Variants in SPATA16 observed in about 807,000 individuals in gnomAD.
SPATA16 encodes the protein spermatogenesis associated 16.
A neutral mutation model predicts 63.3 loss-of-function variants in SPATA16; 36 were observed. That is an observed-to-expected ratio of 0.57 (90% CI 0.44 to 0.75). SPATA16 has a LOEUF of 0.75. Ranked by LOEUF, SPATA16 falls within the 30% of genes least tolerant of loss-of-function variation. The pLI, the probability that SPATA16 is intolerant of heterozygous loss-of-function variation, is 0.00. For synonymous variants in SPATA16, 203 were observed against 216.7 expected (o/e 0.94, Z 0.56); for missense variants, 646 against 679.3 (o/e 0.95, Z 0.54).
chr3:173,091,722 A>G (rs1737226578), intron 2 of SPATA16, among the ~76,000 whole-genome samples: 1 of 152,192 alleles, frequency 6.6e-6, no homozygotes, highest in African/African-American at 2.4e-5. Context: ...TGGTATTTGA[A>G]GAGAGGAAAT....
intron 2 of SPATA16, among the ~76,000 whole-genome samples, chr3:173,099,405 A>G (rs1737436480): frequency 6.6e-6 from 1 of 152,188 alleles, no homozygotes; most frequent in African/African-American, 2.4e-5. Flanking sequence ...TATCCTAGGT[A>G]TGTATGTATA....
chr3:173,088,059 TTTC>T (rs1256192969), intron 2 of SPATA16, among the ~76,000 whole-genome samples: 19 of 142,794 alleles, frequency 1.3e-4, no homozygotes, highest in East Asian at 8.6e-4. Flanking sequence ...TCTTTCTTTC[TTTC>T]TTTCTTTCTT....
chr3:172,917,975 C>G (rs999628170), intron 8 of SPATA16, among the ~76,000 whole-genome samples: 1 of 152,190 alleles, frequency 6.6e-6, no homozygotes, highest in African/African-American at 2.4e-5. Flanking sequence ...TCCCTAACAC[C>G]TACATATGCT....
chr3:173,130,100 A>T (rs12696338), intron 1 of SPATA16, among the ~76,000 whole-genome samples: 1 of 151,984 alleles, frequency 6.6e-6, no homozygotes, highest in Non-Finnish European at 1.5e-5. Context: ...CGGTGGCTCA[A>T]GCCTGTAATC....
At chr3:173,063,287 C>T (rs1435745329) in intron 2 of SPATA16, among the ~76,000 whole-genome samples, 4 of 152,166 alleles carry the variant, frequency 2.6e-5, no homozygotes, top group African/African-American at 9.7e-5. Context: ...TTATGTCTTG[C>T]AATCACCTAT....
Position 172,945,295 on chromosome 3 carries a change from A to G in SPATA16, c.1081+11382T>C, listed in dbSNP as rs185826424. 1.1e-3 allele frequency among the ~76,000 whole-genome samples: 168 copies of G among 152,212 alleles called. 1 individual carries two copies. Among genetic ancestry groups the G allele is most frequent in the African/African-American group, 3.7e-3 (154 of 41,460 alleles). On this transcript the variant is annotated intron_variant, in intron 6 of 10. Coordinates refer to ENST00000351008, the MANE Select transcript of SPATA16 (RefSeq NM_031955.6). ...TATTCCTTGAAGAAATCTAAAAAGT[A>G]GATTTTTCTAAGAACATCAAAGAGC...
chr3:173,117,242 G>A lies in SPATA16; in HGVS notation c.490C>T (p.His164Tyr), dbSNP rs780372927. ...ATCTGAGGCAGAAAGCTGAAATTAT[G>A]TACACTCAAAGGGTCTACTATTTCA... ...AAEIVDPLSV[H>Y]NFSFLPQIDK... The change falls in exon 2 of 11, where the codon CAT becomes TAT. Residue 164 changes from histidine (H) to tyrosine (Y), a missense_variant. By Grantham distance (83) the His-to-Tyr change is moderately conservative. Transcript: ENST00000351008. 5 of 1,614,130 alleles carry A rather than the reference G, an allele frequency of 3.1e-6. No homozygotes were observed. The highest frequency in any genetic ancestry group is 1.6e-4 in the Middle Eastern group (1 of 6,062).
chr3:172,908,916 C>G (rs1320978026), intron 10 of SPATA16, among the ~76,000 whole-genome samples: 1 of 151,828 alleles, frequency 6.6e-6, no homozygotes, highest in African/African-American at 2.4e-5. Flanking sequence ...TACTTGCTAC[C>G]GGAATTGTCT....
At chr3:173,101,580 G>C (rs1279578977) in intron 2 of SPATA16, among the ~76,000 whole-genome samples, 1 of 152,024 alleles carries the variant, frequency 6.6e-6, no homozygotes, top group African/African-American at 2.4e-5. Flanking sequence ...ACTAAGACTT[G>C]ACACCTGGAT....
intron 3 of SPATA16, among the ~76,000 whole-genome samples, chr3:173,038,745 A>T (rs1735773946): frequency 6.6e-6 from 1 of 152,168 alleles, no homozygotes; most frequent in Non-Finnish European, 1.5e-5. Context: ...TGTGAATTCT[A>T]GACTCGTAAA....
chr3:172,915,854 T>G (rs1288585048), intron 9 of SPATA16, among the ~76,000 whole-genome samples: 1 of 152,182 alleles, frequency 6.6e-6, no homozygotes, highest in Non-Finnish European at 1.5e-5. Flanking sequence ...GTACTAGTGT[T>G]GGCACTGCCA....
At chr3:173,028,013 C>CCCTCCCTCCCTCCCTCCCTTCTTTCCTT (rs1560100953) in intron 3 of SPATA16, among the ~76,000 whole-genome samples, 4 of 35,068 alleles carry the variant, frequency 1.1e-4, no homozygotes, top group Admixed American at 7.4e-4. Flanking sequence ...CTCCCTCCCT[C>CCCTCCCTCCCTCCCTCCCTTCTTTCCTT]CCTTCCTTCT....
At chr3:172,890,263 T>C (rs1418635961) in intron 10 of SPATA16, among the ~76,000 whole-genome samples, 1 of 152,192 alleles carries the variant, frequency 6.6e-6, no homozygotes. Context: ...AAAATAATGT[T>C]ATACACAACA....
intron 10 of SPATA16, among the ~76,000 whole-genome samples, chr3:172,897,434 TATCTCTCC>T (rs1329634085): frequency 6.6e-6 from 1 of 152,168 alleles, no homozygotes; most frequent in Non-Finnish European, 1.5e-5. Flanking sequence ...AAACACAGTA[TATCTCTCC>T]ATTTATTTAG....
At chr3:173,103,871 A>C (rs994434053) in intron 2 of SPATA16, among the ~76,000 whole-genome samples, 6 of 152,162 alleles carry the variant, frequency 3.9e-5, no homozygotes, top group Non-Finnish European at 7.4e-5. Flanking sequence ...CCAAGCTGCA[A>C]ATTTTTCACT....
intron 2 of SPATA16, among the ~76,000 whole-genome samples, chr3:173,092,538 A>G (rs1172370571): frequency 6.6e-6 from 1 of 152,168 alleles, no homozygotes; most frequent in Non-Finnish European, 1.5e-5. Context: ...ATAGAGATAC[A>G]GAAGAGTCAG....
At chr3:172,975,808 G>C (rs1320827117) in intron 5 of SPATA16, among the ~76,000 whole-genome samples, 1 of 151,890 alleles carries the variant, frequency 6.6e-6, no homozygotes, top group Non-Finnish European at 1.5e-5. Flanking sequence ...ATAGAACCAT[G>C]TGCATTGCTG....
intron 10 of SPATA16, among the ~76,000 whole-genome samples, chr3:172,893,559 A>G (rs1263242626): frequency 6.6e-6 from 1 of 152,212 alleles, no homozygotes; most frequent in East Asian, 1.9e-4. Flanking sequence ...GTACTTTGCT[A>G]TGGCAGCCCT....
rs765711081 is a variant in SPATA16 at position 172,976,972 on chromosome 3, C to T, written c.929G>A (p.Trp310Ter). The stretch of plus-strand genomic sequence containing the variant: ...AGTTGGGACATCAATTTTTACCTGC[C>T]AATACAGTTTGATGAGCTTGCTTAT... ...ESISKLIKLYWQAMIEEAITR... is the reference protein window; with the variant it reads ...ESISKLIKLY Residue 310 changes from tryptophan to a stop codon, truncating the protein, a stop_gained, in exon 5 of 11, where the codon TGG becomes TAG. Coordinates refer to ENST00000351008, the MANE Select transcript of SPATA16 (RefSeq NM_031955.6). LOFTEE classifies it high-confidence loss of function. 5 of 1,611,878 alleles carry T rather than the reference C, an allele frequency of 3.1e-6. No homozygotes were observed. In the South Asian group the frequency reaches 5.5e-5, roughly 18 times the overall value.
Sources: allele counts gnomAD v4.1 joint callset (sites outside exome capture counted in the v4.1 genomes callset), GRCh38; gene constraint gnomAD v4.1.1; transcripts MANE v1.5; gene names NCBI Gene and HGNC (gene_info 2026-07-23, HGNC 2026-07-21).